The following ROS1 variants were observed in gnomAD, a reference collection of about 807,000 sequenced individuals.
ROS1 encodes the protein ROS proto-oncogene 1, receptor tyrosine kinase.
Under a neutral mutation model 273.5 loss-of-function variants are expected in ROS1, and 263 were observed. The ratio of observed to expected loss-of-function variants is 0.96; its 90% CI spans 0.87 to 1.06. The LOEUF (loss-of-function observed/expected upper bound fraction) is 1.06, where lower values mean the gene tolerates loss of function less well. ROS1 is among the 50% of genes least tolerant of loss of function. ROS1 has a pLI of 0.00. For missense variants in ROS1, 2,833 were observed against 2,751.1 expected, an observed-to-expected ratio of 1.03 and a Z score of -0.67; for synonymous variants, 1,008 against 954.1, an observed-to-expected ratio of 1.06 and a Z score of -1.04.
At chr6:117,398,978 A>C (rs1014031740) in intron 7 of ROS1, among the ~76,000 whole-genome samples, 1 of 152,108 alleles carries the variant, frequency 6.6e-6, no homozygotes, top group Non-Finnish European at 1.5e-5. Flanking sequence ...CTTAAAAAAA[A>C]AAAAAAAGGC....
At chr6:117,300,243 A>G (rs192564845) in intron 43 of ROS1, among the ~76,000 whole-genome samples, 359 of 151,178 alleles carry the variant, frequency 2.4e-3, no homozygotes, top group Non-Finnish European at 3.4e-3. Flanking sequence ...GAGCCACCGC[A>G]CCCGGCACAG....
intron 26 of ROS1, 76 bp downstream of exon 26, chr6:117,356,553 T>G (rs1165059323): frequency 7.6e-7 from 1 of 1,307,708 alleles, no homozygotes; most frequent in Non-Finnish European, 1.1e-6. Flanking sequence ...ATACGCGGAA[T>G]GCAAGCCCTT....
chr6:117,309,459 G>A (rs1775369814), intron 41 of ROS1, among the ~76,000 whole-genome samples: 1 of 152,136 alleles, frequency 6.6e-6, no homozygotes, highest in Non-Finnish European at 1.5e-5. Context: ...GTTTGCAGGG[G>A]ATAAAGTGCC....
At chr6:117,342,678 T>C in intron 28 of ROS1, 134 bp from the exon 29 acceptor site, 1 of 606,196 alleles carries the variant, frequency 1.6e-6, no homozygotes, top group Non-Finnish European at 2.7e-6. Flanking sequence ...GGATTATTAA[T>C]GGTAATACCA....
At position 117,414,061 on chromosome 6, in the gene ROS1, A is replaced by C. The variant is rs115381097; in HGVS notation, c.255+458T>G. The stretch of plus-strand genomic sequence containing the variant: ...GAAAGTAAGCAAGCAAGCAAGCAAG[A>C]AAGAAAGTTGCAATTAAAGGATTCT... On this transcript the variant is annotated intron_variant, in intron 4 of 43. Coordinates refer to ENST00000368507, the MANE Select transcript of ROS1 (RefSeq NM_001378902.1). 5.9e-3 allele frequency among the ~76,000 whole-genome samples: 863 copies of C among 146,380 alleles called. 11 individuals carry two copies. Among genetic ancestry groups the C allele is most frequent in the African/African-American group, 0.019 (748 of 38,790 alleles).
chr6:117,364,073 A>T (rs559328171), intron 21 of ROS1, among the ~76,000 whole-genome samples: 43 of 152,252 alleles, frequency 2.8e-4, no homozygotes, highest in African/African-American at 9.9e-4. Context: ...CCCCTGATGG[A>T]TGCAGTCAAG....
At chr6:117,321,680 A>G (rs1321861483) in intron 35 of ROS1, among the ~76,000 whole-genome samples, 3 of 152,060 alleles carry the variant, frequency 2.0e-5, no homozygotes, top group African/African-American at 4.8e-5. Flanking sequence ...GTATCTTAAT[A>G]TTAAAACTTA....
intron 42 of ROS1, among the ~76,000 whole-genome samples, chr6:117,302,275 A>C (rs879654656): frequency 6.6e-6 from 1 of 151,908 alleles, no homozygotes; most frequent in African/African-American, 2.4e-5. Context: ...TAATAACCCA[A>C]CCTCTCTTAT....
intron 42 of ROS1, among the ~76,000 whole-genome samples, chr6:117,304,199 A>G (rs1774937125): frequency 6.6e-6 from 1 of 152,254 alleles, no homozygotes; most frequent in South Asian, 2.1e-4. Context: ...ATAGTTCTCT[A>G]TAACCTGTGC....
chr6:117,318,348 T>C (rs917222047), intron 37 of ROS1, 96 bp from the exon 38 acceptor site: 3 of 879,726 alleles, frequency 3.4e-6, no homozygotes, highest in Non-Finnish European at 5.7e-6. Context: ...CTGTAATATC[T>C]ACCCTGAAAG....
At chr6:117,408,865 C>G (rs1774651638) in intron 5 of ROS1, among the ~76,000 whole-genome samples, 1 of 152,212 alleles carries the variant, frequency 6.6e-6, no homozygotes, top group Non-Finnish European at 1.5e-5. Context: ...ACACATACAC[C>G]ATGGAATACT....
At chr6:117,289,557 G>T (rs193273366) in intron 43 of ROS1, among the ~76,000 whole-genome samples, 4 of 152,068 alleles carry the variant, frequency 2.6e-5, no homozygotes, top group African/African-American at 9.7e-5. Flanking sequence ...TTATAAGAAC[G>T]TATGAACTAC....
At position 117,393,318 on chromosome 6, in the gene ROS1, A is replaced by G. The variant is rs997358663; in HGVS notation, c.1195T>C (p.Cys399Arg). 1 of 1,595,622 alleles carries G rather than the reference A, an allele frequency of 6.3e-7. No homozygotes were observed. The highest frequency in any genetic ancestry group is 8.6e-7 in the Non-Finnish European group (1 of 1,164,354). Residue 399 changes from cysteine (C) to arginine (R), a missense_variant, in exon 12 of 44, where the codon TGT (cysteine) becomes CGT (arginine). Transcript: ENST00000368507. ...RMYFIMDELV[C>R]VCDLENCSNI... The stretch of plus-strand genomic sequence containing the variant: ...GAGCAGTTCTCTAAATCACAGACAC[A>G]TACCTAAAAAAATAAAAAATATACC...
chr6:117,365,909 CT>C (rs1780180317), intron 19 of ROS1, among the ~76,000 whole-genome samples, 166 bp downstream of exon 19: 1 of 151,974 alleles, frequency 6.6e-6, no homozygotes, highest in African/African-American at 2.4e-5. Flanking sequence ...CTTTTTCAGG[CT>C]GTAAATTTGG....
intron 32 of ROS1, among the ~76,000 whole-genome samples, chr6:117,330,644 C>G (rs903286189): frequency 6.6e-5 from 10 of 152,150 alleles, no homozygotes; most frequent in African/African-American, 2.4e-4. Flanking sequence ...TGCTCTCCAG[C>G]CTCCTTGAGT....
In ROS1 at chr6:117,288,474, A is replaced by G. The variant is rs1773585916; in HGVS notation, c.*18T>C. On this transcript the variant is annotated 3_prime_UTR_variant, in exon 44 of 44. Coordinates refer to ENST00000368507, the MANE Select transcript of ROS1 (RefSeq NM_001378902.1). ...ATGAGAGTGTTTATCTCAACTCTCT[A>G]TTTCCCAAACAACGCTATTAATCAG... The G allele has an allele frequency of 6.3e-7, 1 of 1,588,656 alleles. No individual in the cohort carries two copies. The highest frequency in any genetic ancestry group is 8.6e-7 in the Non-Finnish European group (1 of 1,168,084).
At chr6:117,415,261 T>A (rs985589782) in intron 3 of ROS1, among the ~76,000 whole-genome samples, 3 of 152,222 alleles carry the variant, frequency 2.0e-5, no homozygotes, top group Non-Finnish European at 2.9e-5. Flanking sequence ...GTCACAAATG[T>A]GAGAGTGGGC....
chr6:117,380,105 G>T lies in ROS1; in HGVS notation c.2482-946C>A, dbSNP rs144222157. On this transcript the variant is annotated intron_variant, in intron 17 of 43. Transcript: ENST00000368507. ...TACAAATATTTTTCAAATAAGCTAA[G>T]ATTGCCAGTAGCCTGATTTCGGAGC... is the stretch of plus-strand genomic sequence containing the variant. Among the ~76,000 whole-genome samples the T allele has an allele frequency of 4.8e-3, 724 of 152,218 alleles. 3 individuals carry two copies. The highest frequency in any genetic ancestry group is 0.037 in the Middle Eastern group (11 of 294).
At chr6:117,401,621 C>T (rs1037745372) in intron 7 of ROS1, among the ~76,000 whole-genome samples, 1 of 151,694 alleles carries the variant, frequency 6.6e-6, no homozygotes. Flanking sequence ...AATTACTTAT[C>T]GGACTGTCTT....
Sources: gnomAD v4.1 joint callset for allele counts (sites outside exome capture counted in the v4.1 genomes callset) on GRCh38, gnomAD v4.1.1 for gene constraint, MANE v1.5 for transcripts, NCBI Gene and HGNC (gene_info 2026-07-23, HGNC 2026-07-21) for gene names.